Variants in ADPRHL1 observed in about 807,000 individuals in gnomAD.
ADPRHL1 encodes ADP-ribosylhydrolase like 1.
Under a neutral mutation model 44.1 loss-of-function variants are expected in ADPRHL1, and 43 were observed. The observed-to-expected ratio is 0.98, with a 90% CI of 0.76 to 1.26. ADPRHL1 has a LOEUF of 1.26. Ranked by LOEUF, ADPRHL1 falls within the 50% of genes most tolerant of loss-of-function variation. The probability of loss-of-function intolerance (pLI) is 0.00; values close to 1 mark genes in which losing one functional copy is unlikely to be tolerated. For synonymous variants in ADPRHL1, 878 were observed against 1,017.4 expected, an observed-to-expected ratio of 0.86 and a Z score of 2.61; for missense variants, 2,022 against 2,496.9, an observed-to-expected ratio of 0.81 and a Z score of 4.05.
chr13:113,451,983 G>A (rs986727357), intron 1 of ADPRHL1, among the ~76,000 whole-genome samples: 6 of 152,128 alleles, frequency 3.9e-5, no homozygotes, highest in Non-Finnish European at 5.9e-5. Context: ...TTTACAAAAC[G>A]CCCACCAAGT....
At chr13:113,440,538 C>T (rs1023653274) in intron 2 of ADPRHL1, among the ~76,000 whole-genome samples, 3 of 151,862 alleles carry the variant, frequency 2.0e-5, no homozygotes, top group Non-Finnish European at 4.4e-5. Flanking sequence ...TCACTGCAAC[C>T]TCCGCCTCCT....
intron 1 of ADPRHL1, among the ~76,000 whole-genome samples, chr13:113,448,441 G>A (rs995744482): frequency 7.4e-5 from 9 of 121,844 alleles, no homozygotes; most frequent in Admixed American, 5.3e-4. Flanking sequence ...ACTCCAGCCC[G>A]GGCAAAAGAG....
intron 2 of ADPRHL1, among the ~76,000 whole-genome samples, chr13:113,435,347 AC>A (rs1200293831): frequency 7.4e-6 from 1 of 135,424 alleles, no homozygotes; most frequent in African/African-American, 3.0e-5. Context: ...GTAGCCCGTG[AC>A]CCAGCACCCA....
At chr13:113,422,366 G>A (rs911520623) in intron 7 of ADPRHL1, 1 of 158,344 alleles carries the variant, frequency 6.3e-6, no homozygotes, top group African/African-American at 2.5e-5. Flanking sequence ...ATGGGAGGGT[G>A]GGGGGTGGGG....
In ADPRHL1 at chr13:113,429,052, G is replaced by A. The variant is rs771184612; in HGVS notation, c.546C>T (p.Phe182=). Residue 182 remains phenylalanine (F), a synonymous_variant, in exon 4 of 8, where the codon TTC becomes TTT. Transcript: ENST00000612156. ...GSLCTALFVS[F]AAQGKPLVQW... is the part of the protein sequence containing the mutation. Reference sequence around the variant, plus strand: ...GGACCAGGGGCTTTCCTTGTGCGGCGAACGACACAAACAGGGCCGTGCACA... The same window carrying A: ...GGACCAGGGGCTTTCCTTGTGCGGCAAACGACACAAACAGGGCCGTGCACA... 5.6e-6 allele frequency: 9 copies of A among 1,612,496 alleles called. No homozygotes were observed. Among genetic ancestry groups the A allele is most frequent in the East Asian group, 4.5e-5 (2 of 44,878 alleles).
At position 113,427,336 on chromosome 13, in the gene ADPRHL1, G is replaced by A. The variant is rs545472044; in HGVS notation, c.646+1616C>T. Among the ~76,000 whole-genome samples, 5 of 152,298 alleles carry A rather than the reference G, an allele frequency of 3.3e-5. 1 individual carries two copies. In the South Asian group the frequency reaches 6.2e-4, roughly 19 times the overall value. ...ACCTGTTTCTAAGGTGGGTCAGGGC[G>A]ACTCTCCTGGGGTTAGGGAGATGAC... On this transcript the variant is annotated intron_variant, in intron 4 of 7. Coordinates refer to ENST00000612156, the MANE Select transcript of ADPRHL1 (RefSeq NM_001394807.1).
At chr13:113,432,467 C>T (rs8001629) in intron 3 of ADPRHL1, among the ~76,000 whole-genome samples, 143,614 of 152,288 alleles carry the variant, frequency 0.94, 67,763 homozygotes, top group East Asian at 0.98. Context: ...TTAATTTGCG[C>T]CCAGTTGCAG....
At chr13:113,433,623 T>A in intron 3 of ADPRHL1, 119 bp downstream of exon 3, 1 of 1,467,456 alleles carries the variant, frequency 6.8e-7, no homozygotes, top group South Asian at 1.3e-5. Flanking sequence ...TAAGCAGACG[T>A]GCAGATGGCG....
Position 113,441,912 on chromosome 13 carries a change from G to A in ADPRHL1, c.379+2513C>T, listed in dbSNP as rs191108272. On this transcript the variant is annotated intron_variant, in intron 2 of 7. Coordinates refer to ENST00000612156, the MANE Select transcript of ADPRHL1 (RefSeq NM_001394807.1). This position sits in a 1 kb window ranked among gnomAD's most constrained non-coding sequence, Gnocchi z 6.0. ...GTGTGTGAGTCTGTGTCTCTATCACGCTTTACTCCACCGTGCTGGTCCGTG... is the reference window on the plus strand; with the variant it reads ...GTGTGTGAGTCTGTGTCTCTATCACACTTTACTCCACCGTGCTGGTCCGTG... 3.2e-3 allele frequency among the ~76,000 whole-genome samples: 485 copies of A among 152,316 alleles called. 9 individuals carry two copies. Among genetic ancestry groups the A allele is most frequent in the South Asian group, 0.023 (109 of 4,828 alleles).
rs2043756482 is a variant in ADPRHL1, at chr13:113,400,930, A to G, written c.*2448T>C. 1.3e-5 allele frequency: 2 copies of G among 152,190 alleles called. No individual in the cohort carries two copies. Among genetic ancestry groups the G allele is most frequent in the Non-Finnish European group, 1.5e-5 (1 of 68,028 alleles). The allele number at this position is 152,190 out of a possible 1,614,324, so 9.4% of individuals were successfully genotyped here. ...TCCACCACTTAAAATAAAACCACTC[A>G]ATGCCTTCTCCAGTGTACTCTCTGG... On this transcript the variant is annotated 3_prime_UTR_variant, in exon 8 of 8. Transcript: ENST00000612156.
rs1333530561 is a variant in ADPRHL1 at position 113,433,842 on chromosome 13, C to T, written c.405G>A (p.Lys135=). 5 of 1,566,672 alleles carry T rather than the reference C, an allele frequency of 3.2e-6. No homozygotes were observed. In the East Asian group the frequency reaches 7.1e-5, roughly 22 times the overall value. Residue 135 remains lysine (K), a synonymous_variant, in exon 3 of 8, where the codon AAG becomes AAA. Coordinates refer to ENST00000612156, the MANE Select transcript of ADPRHL1 (RefSeq NM_001394807.1). ...EKGSGFGAAT[K]AMCIGLRYWK... ...AGTACCGCAGGCCGATGCACATGGC[C>T]TTGGTGGCCGCTCCAAACCCTGAGC... is the stretch of plus-strand genomic sequence containing the variant.
chr13:113,413,059 G>A (rs1263224695), intron 7 of ADPRHL1, among the ~76,000 whole-genome samples: 2 of 91,884 alleles, frequency 2.2e-5, no homozygotes, highest in South Asian at 3.3e-4. Flanking sequence ...ACAGCGCCCC[G>A]CAGAGCTCGG....
chr13:113,408,630 G>A (rs2043826463), intron 7 of ADPRHL1, among the ~76,000 whole-genome samples: 1 of 152,220 alleles, frequency 6.6e-6, no homozygotes, highest in African/African-American at 2.4e-5. Context: ...TCTCTGTGTG[G>A]ACTGTGTATG....
chr13:113,411,656 T>C (rs1392075500), intron 7 of ADPRHL1, among the ~76,000 whole-genome samples: 1 of 152,234 alleles, frequency 6.6e-6, no homozygotes, highest in African/African-American at 2.4e-5. Flanking sequence ...TCTGGGTTTA[T>C]TGGCTGAGGA....
chr13:113,413,727 CTG>C (rs2043872297), intron 7 of ADPRHL1, among the ~76,000 whole-genome samples: 2 of 152,206 alleles, frequency 1.3e-5, no homozygotes, highest in Admixed American at 1.3e-4. Context: ...CTGGGCTGCC[CTG>C]TGTGACCGCT....
At position 113,407,999 on chromosome 13, in the gene ADPRHL1, C is replaced by A; in HGVS notation, c.1283G>T (p.Arg428Leu). The change falls in exon 8 of 8, where the codon CGC (arginine) becomes CTC (leucine). Residue 428 changes from arginine to leucine, a missense_variant. Arg to Leu is a moderately radical substitution (Grantham distance 102, BLOSUM62 -2). This residue lies in a region of ADPRHL1 where 1,221 missense variants were observed against 1,517.8 expected (regional missense o/e 0.80). Transcript: ENST00000612156. The part of the protein sequence containing the change: ...QTQEATQRPT[R>L]FQLLQAKFLG... ...GAACTTGGCCTGCAGGAGCTGGAAG[C>A]GCGTGGGCCGCTGGGTGGCCTCCTG... is the stretch of plus-strand genomic sequence containing the variant. 2 of 1,232,668 alleles carry A rather than the reference C, an allele frequency of 1.6e-6. No homozygotes were observed. Among genetic ancestry groups the A allele is most frequent in the Non-Finnish European group, 2.0e-6 (2 of 988,524 alleles). The allele number at this position is 1,232,668 out of a possible 1,614,324, so 76.4% of individuals were successfully genotyped here.
At position 113,403,300 on chromosome 13, in the gene ADPRHL1, G is replaced by T; in HGVS notation, c.*78C>A. The T allele has an allele frequency of 1.7e-6, 2 of 1,165,298 alleles. No individual in the cohort carries two copies. Among genetic ancestry groups the T allele is most frequent in the South Asian group, 4.4e-5 (1 of 22,492 alleles). The allele number at this position is 1,165,298 out of a possible 1,614,324, so 72.2% of individuals were successfully genotyped here. The stretch of plus-strand genomic sequence containing the variant: ...GTAGGGGATGCTCCAAGACGCATTT[G>T]GAGGCAGGAAAATGCCTGAAGTCCC... On this transcript the variant is annotated 3_prime_UTR_variant, in exon 8 of 8. Transcript: ENST00000612156.
chr13:113,408,844 G>A (rs1439515929), intron 7 of ADPRHL1, among the ~76,000 whole-genome samples: 2 of 134,488 alleles, frequency 1.5e-5, no homozygotes, highest in Non-Finnish European at 3.2e-5. Context: ...AGGAGCAGGG[G>A]AGGAGGGGGC....
Position 113,402,721 on chromosome 13 carries a change from C to G in ADPRHL1, c.*657G>C, listed in dbSNP as rs1451769570. ...CGTGGGCATTTCCTGAGGCCTCTTC[C>G]TCCGGATGAGCTGGTTTCGGCCTGG... is the stretch of plus-strand genomic sequence containing the variant. On this transcript the variant is annotated 3_prime_UTR_variant, in exon 8 of 8. Transcript: ENST00000612156. The G allele has an allele frequency of 6.6e-6, 1 of 152,514 alleles. No individual in the cohort carries two copies. The highest frequency in any genetic ancestry group is 1.5e-5 in the Non-Finnish European group (1 of 68,274). The allele number at this position is 152,514 out of a possible 1,614,324, so 9.4% of individuals were successfully genotyped here. A position where few individuals can be genotyped will look rare whatever the true frequency, so the allele number is the denominator to read the frequency against.
Sources: gnomAD v4.1 joint callset for allele counts (sites outside exome capture counted in the v4.1 genomes callset) on GRCh38, gnomAD v4.1.1 for gene constraint, gnomAD v4.1.1 regional missense constraint, Gnocchi (gnomAD v3.1) non-coding constraint, MANE v1.5 for transcripts, NCBI Gene and HGNC (gene_info 2026-07-23, HGNC 2026-07-21) for gene names.